OSBPL1A: variants seen among roughly 807,000 people sequenced by gnomAD.
OSBPL1A encodes oxysterol binding protein like 1A, also known as oxysterol-binding protein-related protein 1.
Under a neutral mutation model 137.1 loss-of-function variants are expected in OSBPL1A, and 80 were observed. The ratio of observed to expected loss-of-function variants is 0.58; its 90% CI spans 0.49 to 0.70. The LOEUF (loss-of-function observed/expected upper bound fraction) is 0.70. Ranked by LOEUF, OSBPL1A falls within the 30% of genes least tolerant of loss-of-function variation. The pLI is 0.00. For missense variants in OSBPL1A, 970 were observed against 1,129.4 expected (o/e 0.86, Z 2.02); for synonymous variants, 365 against 389.7 (o/e 0.94, Z 0.75).
chr18:24,353,991 A>G (rs1478759407), intron 4 of OSBPL1A, among the ~76,000 whole-genome samples: 1 of 151,884 alleles, frequency 6.6e-6, no homozygotes, highest in Non-Finnish European at 1.5e-5. Context: ...TGGGTGCAGC[A>G]CACCAACATG....
At chr18:24,311,424 C>T (rs2090617948) in intron 13 of OSBPL1A, 1 of 977,736 alleles carries the variant, frequency 1.0e-6, no homozygotes, top group South Asian at 4.7e-5. Flanking sequence ...AATTGATGAC[C>T]CCTCAAAACA....
chr18:24,312,237 G>T, intron 12 of OSBPL1A, 131 bp from the exon 13 acceptor site: 1 of 1,023,372 alleles, frequency 9.8e-7, no homozygotes, highest in Non-Finnish European at 1.4e-6. Context: ...GGAAAGCAAA[G>T]CAACCAGTAA....
intron 16 of OSBPL1A, among the ~76,000 whole-genome samples, chr18:24,230,267 G>T (rs920069537): frequency 6.6e-6 from 1 of 152,182 alleles, no homozygotes; most frequent in Non-Finnish European, 1.5e-5. Flanking sequence ...GAGGAATGGG[G>T]AGTTGGTAGT....
At chr18:24,248,330 C>G (rs931772424) in intron 15 of OSBPL1A, among the ~76,000 whole-genome samples, 4 of 152,312 alleles carry the variant, frequency 2.6e-5, no homozygotes, top group Admixed American at 2.6e-4. Flanking sequence ...TGAAACGAGT[C>G]TCAAGGCCCT....
intron 14 of OSBPL1A, 34 bp from the exon 15 acceptor site, chr18:24,280,982 T>C: frequency 7.0e-7 from 1 of 1,437,654 alleles, no homozygotes; most frequent in Non-Finnish European, 9.5e-7. Flanking sequence ...GTGAGTCGGA[T>C]TTTAAGGAAT....
At position 24,366,877 on chromosome 18, in the gene OSBPL1A, T is replaced by C. The variant is rs368641983; in HGVS notation, c.282+15A>G. ...ATACCTCACTTACAAACATTGAACA[T>C]AGAATGATTTTCACCTTTCGTCCTG... On this transcript the variant is annotated intron_variant, in intron 4 of 27. Transcript: ENST00000319481. The C allele has an allele frequency of 4.4e-5, 70 of 1,606,832 alleles. No individual in the cohort carries two copies. The highest frequency in any genetic ancestry group is 4.3e-4 in the African/African-American group (32 of 74,770).
intron 1 of OSBPL1A, among the ~76,000 whole-genome samples, chr18:24,382,558 CAG>C (rs1044034939): frequency 2.0e-5 from 3 of 151,286 alleles, no homozygotes; most frequent in African/African-American, 7.3e-5. Flanking sequence ...GCCTGTGTAA[CAG>C]AGACTCCGTC....
In OSBPL1A at chr18:24,239,157, T is replaced by C. The variant is rs1165165559; in HGVS notation, c.1444+63A>G. 7 of 1,573,196 alleles carry C rather than the reference T, an allele frequency of 4.4e-6. No individual in the cohort carries two copies. The African/African-American group carries it at 8.2e-5, about 18-fold the overall frequency. On this transcript the variant is annotated intron_variant, in intron 16 of 27. Coordinates refer to ENST00000319481, the MANE Select transcript of OSBPL1A (RefSeq NM_080597.4). Reference sequence around the variant, plus strand: ...CTAAGGTGGTGGACTCAAGGGGACATTGCTCATTTAGGTGGTGGACTCTAA... The same window carrying C: ...CTAAGGTGGTGGACTCAAGGGGACACTGCTCATTTAGGTGGTGGACTCTAA...
At chr18:24,220,365 G>A (rs573670837) in intron 17 of OSBPL1A, among the ~76,000 whole-genome samples, 98 of 152,334 alleles carry the variant, frequency 6.4e-4, no homozygotes, top group African/African-American at 2.3e-3. Context: ...TGTGAAAGAG[G>A]TGGGCTTCAC....
In OSBPL1A at chr18:24,241,133, G is replaced by A. The variant is rs549292307; in HGVS notation, c.1282-1751C>T. Among the ~76,000 whole-genome samples, 11 of 152,262 alleles carry A rather than the reference G, an allele frequency of 7.2e-5. No individual in the cohort carries two copies. In the South Asian group the frequency reaches 8.3e-4, roughly 11 times the overall value. On this transcript the variant is annotated intron_variant, in intron 15 of 27. Transcript: ENST00000319481. ...CTTATACAAAAATTGACTCAAGATGGATTAAAGACTGAAATGTAAGACCTA... is the reference window on the plus strand; with the variant it reads ...CTTATACAAAAATTGACTCAAGATGAATTAAAGACTGAAATGTAAGACCTA...
At chr18:24,172,303 CA>C in intron 22 of OSBPL1A, 72 bp downstream of exon 22, 2 of 1,127,562 alleles carry the variant, frequency 1.8e-6, no homozygotes, top group East Asian at 2.4e-5. Context: ...ACAAACAAAA[CA>C]AAAAAACTGA....
At chr18:24,331,508 T>C (rs2091077517) in intron 7 of OSBPL1A, among the ~76,000 whole-genome samples, 1 of 150,678 alleles carries the variant, frequency 6.6e-6, no homozygotes, top group Non-Finnish European at 1.5e-5. Context: ...GCCATTCTCC[T>C]GCCTCAGCCT....
intron 17 of OSBPL1A, among the ~76,000 whole-genome samples, chr18:24,207,447 TTAACAAA>T (rs1202026291): frequency 6.6e-5 from 10 of 152,274 alleles, no homozygotes; most frequent in African/African-American, 1.2e-4. Flanking sequence ...TCACTTGCAC[TTAACAAA>T]TAAGTATTTT....
rs1401339172 is a variant in OSBPL1A, at chr18:24,199,396, C to CG, written c.1602-3197_1602-3196insC. Among the ~76,000 whole-genome samples the CG allele has an allele frequency of 8.5e-5, 13 of 152,074 alleles. No individual in the cohort carries two copies. In the East Asian group the frequency reaches 2.5e-3, roughly 29 times the overall value. On this transcript the variant is annotated intron_variant, in intron 17 of 27. Coordinates refer to ENST00000319481, the MANE Select transcript of OSBPL1A (RefSeq NM_080597.4). ...TTGCCCCCAGCTCCCCCGGCTCCCC[C>CG]AGCTGCTATGCACTTCAGCCTGCTT...
chr18:24,352,624 A>C (rs1371450652), intron 4 of OSBPL1A, among the ~76,000 whole-genome samples: 3 of 152,312 alleles, frequency 2.0e-5, no homozygotes, highest in Non-Finnish European at 2.9e-5. Flanking sequence ...CCTAAGCCAA[A>C]AGAACAAAGC....
At chr18:24,365,025 C>CA (rs56400717) in intron 4 of OSBPL1A, among the ~76,000 whole-genome samples, 32,690 of 90,328 alleles carry the variant, frequency 0.36, 4,450 homozygotes, top group Non-Finnish European at 0.43. Context: ...AAAACAACAA[C>CA]AAAAAAAAAA....
intron 7 of OSBPL1A, chr18:24,321,578 T>A: frequency 2.3e-6 from 1 of 438,884 alleles, no homozygotes; most frequent in Non-Finnish European, 4.6e-6. Context: ...TGTGAGCTAC[T>A]GTACCTGGCC....
intron 15 of OSBPL1A, among the ~76,000 whole-genome samples, chr18:24,245,355 G>C (rs942645367): frequency 6.6e-6 from 1 of 152,116 alleles, no homozygotes; most frequent in Non-Finnish European, 1.5e-5. Flanking sequence ...GCCTCCCAAA[G>C]TGCTGAGACT....
chr18:24,376,043 A>AC (rs1346930075), intron 2 of OSBPL1A, among the ~76,000 whole-genome samples: 1 of 152,130 alleles, frequency 6.6e-6, no homozygotes, highest in African/African-American at 2.4e-5. Context: ...AGCAGTGTGG[A>AC]CCCAAAGAGT....
Sources: allele counts gnomAD v4.1 joint callset (sites outside exome capture counted in the v4.1 genomes callset), GRCh38; gene constraint gnomAD v4.1.1; transcripts MANE v1.5; gene names NCBI Gene and HGNC (gene_info 2026-07-23, HGNC 2026-07-21).